PRKN: variants seen among roughly 807,000 people sequenced by gnomAD.
PRKN encodes the protein E3 ubiquitin-protein ligase parkin.
Under a neutral mutation model 59.5 loss-of-function variants are expected in PRKN, and 56 were observed. The ratio of observed to expected loss-of-function variants is 0.94; its 90% CI spans 0.76 to 1.18. PRKN has a LOEUF of 1.18. Among genes scored for constraint, PRKN ranks in the 50% most tolerant of loss-of-function variants. The probability of loss-of-function intolerance (pLI) is 0.00; values close to 1 mark genes in which losing one functional copy is unlikely to be tolerated. For missense variants in PRKN, 657 were observed against 596.4 expected, an observed-to-expected ratio of 1.10 and a Z score of -1.06; for synonymous variants, 250 against 222.1, an observed-to-expected ratio of 1.13 and a Z score of -1.12.
chr6:161,610,688 A>G (rs911299747), intron 7 of PRKN, among the ~76,000 whole-genome samples: 10 of 151,990 alleles, frequency 6.6e-5, no homozygotes. Context: ...CAGGGAGGCA[A>G]TGGGGCCAGG....
chr6:162,365,013 G>T (rs1362998717), intron 2 of PRKN, among the ~76,000 whole-genome samples: 1 of 146,854 alleles, frequency 6.8e-6, no homozygotes, highest in African/African-American at 2.5e-5. Context: ...TGTAGTGTGG[G>T]ATTTTCTTTG....
At chr6:162,200,288 C>T (rs530580970) in intron 4 of PRKN, among the ~76,000 whole-genome samples, 4 of 152,198 alleles carry the variant, frequency 2.6e-5, no homozygotes, top group Admixed American at 2.0e-4. Context: ...TTGGAGCCAC[C>T]GAGCCGGAAC....
At chr6:162,725,316 TATA>T (rs1779102202) in intron 1 of PRKN, among the ~76,000 whole-genome samples, 1 of 152,236 alleles carries the variant, frequency 6.6e-6, no homozygotes, top group Non-Finnish European at 1.5e-5. Flanking sequence ...GGATAAAGTC[TATA>T]ATGTCTTTCC....
chr6:162,474,726 T>C (rs1356233652), intron 1 of PRKN, among the ~76,000 whole-genome samples: 3 of 152,180 alleles, frequency 2.0e-5, no homozygotes, highest in African/African-American at 7.2e-5. Flanking sequence ...CGATGGGAGA[T>C]GATGATCTTG....
chr6:161,862,355 G>A (rs544401540), intron 6 of PRKN, among the ~76,000 whole-genome samples: 5 of 152,258 alleles, frequency 3.3e-5, no homozygotes, highest in African/African-American at 1.2e-4. Context: ...TTCTAGCCTT[G>A]GCAACTCTAA....
chr6:161,446,415 A>G lies in PRKN; in HGVS notation c.1084-59538T>C, dbSNP rs1017084978. ...CCCAAAGGGGCCTGGCTTGGGACCT[A>G]TGCAGCTGTGGGAGGGGAAAGGCCC... On this transcript the variant is annotated intron_variant, in intron 9 of 11. Transcript: ENST00000366898. This position sits in a 1 kb window ranked among gnomAD's most constrained non-coding sequence, Gnocchi z 6.2. Among the ~76,000 whole-genome samples, 12 of 152,050 alleles carry G rather than the reference A, an allele frequency of 7.9e-5. No homozygotes were observed. Among genetic ancestry groups the G allele is most frequent in the African/African-American group, 1.7e-4 (7 of 41,394 alleles).
rs1480184050 is a variant in PRKN at position 161,579,918 on chromosome 6, G to T, written c.872-10502C>A. Among the ~76,000 whole-genome samples the T allele has an allele frequency of 6.6e-6, 1 of 152,086 alleles. No homozygotes were observed. On this transcript the variant is annotated intron_variant, in intron 7 of 11. Coordinates refer to ENST00000366898, the MANE Select transcript of PRKN (RefSeq NM_004562.3). The surrounding 1 kb of genome is among the most constrained non-coding windows in gnomAD (Gnocchi z 4.2). The stretch of plus-strand genomic sequence containing the variant: ...GCATAACTGCATTCATTACTGAAAG[G>T]CATCTTTCAAATTCTTATAAAAAAC...
chr6:162,562,095 G>T (rs9458597), intron 1 of PRKN, among the ~76,000 whole-genome samples: 46,619 of 151,864 alleles, frequency 0.31, 7,607 homozygotes, highest in East Asian at 0.49. Flanking sequence ...TTGTATCTTG[G>T]ATACTAGCTT....
At position 161,746,966 on chromosome 6, in the gene PRKN, T is replaced by C. The variant is rs563035800; in HGVS notation, c.871+38806A>G. On this transcript the variant is annotated intron_variant, in intron 7 of 11. Transcript: ENST00000366898. The stretch of plus-strand genomic sequence containing the variant: ...ATCTTATCCACAAATATAATTATAA[T>C]TATAAATGCCCAATTATCTGTTGAG... Among the ~76,000 whole-genome samples the C allele has an allele frequency of 2.3e-3, 347 of 152,098 alleles. 1 individual carries two copies. The highest frequency in any genetic ancestry group is 4.0e-3 in the Non-Finnish European group (269 of 67,996).
At position 161,405,652 on chromosome 6, in the gene PRKN, T is replaced by G. The variant is rs4533970; in HGVS notation, c.1084-18775A>C. Among the ~76,000 whole-genome samples the G allele has an allele frequency of 0.25, 36,031 of 143,782 alleles. 4,546 individuals carry two copies. The highest frequency in any genetic ancestry group is 0.32 in the African/African-American group (12,438 of 39,128). The allele number at this position is 143,782 out of a possible 152,430, so 94.3% of individuals were successfully genotyped here. A position where few individuals can be genotyped will look rare whatever the true frequency, so the allele number is the denominator to read the frequency against. The stretch of plus-strand genomic sequence containing the variant: ...TAAATAAATAAATAAATAAATAAAT[T>G]TGGGTCCACCATAATCAGCATTTTG... On this transcript the variant is annotated intron_variant, in intron 9 of 11. Transcript: ENST00000366898. The surrounding 1 kb of genome is among the most constrained non-coding windows in gnomAD (Gnocchi z 5.1).
At chr6:161,745,547 G>A (rs915948818) in intron 7 of PRKN, among the ~76,000 whole-genome samples, 1 of 152,210 alleles carries the variant, frequency 6.6e-6, no homozygotes, top group Non-Finnish European at 1.5e-5. Context: ...CAGGATGCAT[G>A]CTTTCTCTTG....
chr6:162,412,108 A>C (rs565795834), intron 2 of PRKN, among the ~76,000 whole-genome samples: 1 of 152,290 alleles, frequency 6.6e-6, no homozygotes, highest in African/African-American at 2.4e-5. Context: ...AAAACAGAAT[A>C]GTAAGATGAA....
intron 2 of PRKN, among the ~76,000 whole-genome samples, chr6:162,297,300 T>C (rs1056231055): frequency 6.6e-6 from 1 of 152,006 alleles, no homozygotes; most frequent in African/African-American, 2.4e-5. Context: ...CTGTGGCAGT[T>C]TCATCAATGG....
intron 5 of PRKN, among the ~76,000 whole-genome samples, chr6:162,007,307 C>G (rs996818317): frequency 6.6e-6 from 1 of 152,038 alleles, no homozygotes; most frequent in South Asian, 2.1e-4. Flanking sequence ...CCATGGGGTT[C>G]ATTCTTTCAT....
chr6:161,832,316 T>A (rs947044612), intron 6 of PRKN, among the ~76,000 whole-genome samples: 4 of 152,060 alleles, frequency 2.6e-5, no homozygotes, highest in Admixed American at 6.6e-5. Context: ...AATAGCGTTG[T>A]TTTTCAGATG....
At chr6:162,078,043 C>G (rs751809080) in intron 4 of PRKN, among the ~76,000 whole-genome samples, 1 of 150,704 alleles carries the variant, frequency 6.6e-6, no homozygotes, top group African/African-American at 2.4e-5. Context: ...ATTCACAATA[C>G]TAGCATACAC....
At chr6:161,655,881 CACAT>C (rs1454748351) in intron 7 of PRKN, among the ~76,000 whole-genome samples, 1,387 of 49,764 alleles carry the variant, frequency 0.028, 20 homozygotes, top group African/African-American at 0.17. Context: ...CACACACACA[CACAT>C]ACACACACAC....
chr6:162,317,858 G>T (rs189237701), intron 2 of PRKN, among the ~76,000 whole-genome samples: 12 of 152,116 alleles, frequency 7.9e-5, no homozygotes, highest in Admixed American at 6.6e-4. Context: ...GCTACATTCA[G>T]TTCAGTAATT....
At chr6:161,665,708 C>G (rs1033576118) in intron 7 of PRKN, among the ~76,000 whole-genome samples, 1 of 152,178 alleles carries the variant, frequency 6.6e-6, no homozygotes, top group Non-Finnish European at 1.5e-5. Context: ...GCAATTCTGA[C>G]TTCCAGTAGT....
Sources: gnomAD v4.1 joint callset for allele counts (sites outside exome capture counted in the v4.1 genomes callset) on GRCh38, gnomAD v4.1.1 for gene constraint, Gnocchi (gnomAD v3.1) non-coding constraint, MANE v1.5 for transcripts, NCBI Gene and HGNC (gene_info 2026-07-23, HGNC 2026-07-21) for gene names.